The following SAP130 variants were observed in gnomAD, a reference collection of about 807,000 sequenced individuals.
SAP130 encodes the protein Sin3A associated protein 130.
SAP130 carries 16 observed loss-of-function variants against 103.2 expected under a neutral mutation model. That is an observed-to-expected ratio of 0.16 (90% CI 0.10 to 0.24). The LOEUF (loss-of-function observed/expected upper bound fraction) is 0.24, where lower values mean the gene tolerates loss of function less well. Ranked by LOEUF, SAP130 falls within the 10% of genes least tolerant of loss-of-function variation. SAP130 has a pLI of 1.00. For synonymous variants in SAP130, 477 were observed against 497.0 expected (o/e 0.96, Z 0.53); for missense variants, 990 against 1,359.7 (o/e 0.73, Z 4.28).
At chr2:128,027,704 CG>C (rs1290947525) in intron 1 of SAP130, among the ~76,000 whole-genome samples, 2 of 151,216 alleles carry the variant, frequency 1.3e-5, no homozygotes, top group African/African-American at 2.4e-5. Context: ...CCCCCACGCC[CG>C]GGTCAGCCCA....
chr2:128,014,757 C>G, intron 5 of SAP130, 46 bp downstream of exon 5: 1 of 1,296,586 alleles, frequency 7.7e-7, no homozygotes, highest in Non-Finnish European at 1.1e-6. Context: ...AAATGTATAT[C>G]TACTACTACA....
chr2:127,978,005 A>G lies in SAP130; in HGVS notation c.2043T>C (p.Ser681=). Residue 681 remains serine, a synonymous_variant, in exon 15 of 21, where the codon TCT becomes TCC. Transcript: ENST00000643581. ...PRVESSMRST[S]GSPRPAGAKP... ...CTCACCCTGCAGGCCTAGGTGACCC[A>G]GACGTACTCCGCATAGAGCTTTCCA... 6.4e-7 allele frequency: 1 copy of G among 1,552,078 alleles called. No homozygotes were observed. The highest frequency in any genetic ancestry group is 2.4e-5 in the East Asian group (1 of 40,922).
chr2:127,987,022 G>C, intron 13 of SAP130, 60 bp from the exon 14 acceptor site: 1 of 1,464,254 alleles, frequency 6.8e-7, no homozygotes, highest in East Asian at 2.3e-5. Flanking sequence ...TGCCATAGAA[G>C]ACATAAATAA....
chr2:127,947,777 T>A (rs1037883857), intron 18 of SAP130, among the ~76,000 whole-genome samples: 2 of 151,704 alleles, frequency 1.3e-5, no homozygotes, highest in African/African-American at 2.4e-5. Context: ...TGTGTGTGTG[T>A]GTGTGTGTGT....
chr2:127,974,930 C>A (rs1444859629), intron 15 of SAP130, among the ~76,000 whole-genome samples: 1 of 152,146 alleles, frequency 6.6e-6, no homozygotes, highest in Non-Finnish European at 1.5e-5. Flanking sequence ...AGCCTAGGAG[C>A]AATAGGTTGT....
intron 14 of SAP130, among the ~76,000 whole-genome samples, chr2:127,978,624 T>G (rs1182044083): frequency 6.6e-6 from 1 of 152,162 alleles, no homozygotes; most frequent in African/African-American, 2.4e-5. Context: ...TGTTTAGTTT[T>G]GACAGAGTGG....
At chr2:128,022,487 T>C (rs967007313) in intron 2 of SAP130, among the ~76,000 whole-genome samples, 6 of 152,244 alleles carry the variant, frequency 3.9e-5, no homozygotes, top group African/African-American at 7.2e-5. Context: ...TGGAATGAGA[T>C]TGCTCAGTGG....
At chr2:127,959,597 T>C (rs1250540884) in intron 15 of SAP130, among the ~76,000 whole-genome samples, 1 of 152,178 alleles carries the variant, frequency 6.6e-6, no homozygotes, top group East Asian at 1.9e-4. Context: ...CCTGCTAAAG[T>C]ATAACCTATA....
Position 127,960,568 on chromosome 2 carries a change from A to G in SAP130, c.2064-5224T>C, listed in dbSNP as rs538984354. 8.5e-5 allele frequency among the ~76,000 whole-genome samples: 13 copies of G among 152,288 alleles called. No homozygotes were observed. In the South Asian group the frequency reaches 2.3e-3, roughly 27 times the overall value. On this transcript the variant is annotated intron_variant, in intron 15 of 20. Transcript: ENST00000643581. Reference sequence around the variant, plus strand: ...ACTTAAAAAAATTACATTTACTTATATTGACAGCTATTGGATTTCCTTTTC... The same window carrying G: ...ACTTAAAAAAATTACATTTACTTATGTTGACAGCTATTGGATTTCCTTTTC...
At chr2:127,993,372 T>C in intron 11 of SAP130, 64 bp from the exon 12 acceptor site, 1 of 1,509,830 alleles carries the variant, frequency 6.6e-7, no homozygotes, top group Non-Finnish European at 8.9e-7. Context: ...CAAATGATCC[T>C]ATACCCCAGT....
intron 1 of SAP130, among the ~76,000 whole-genome samples, chr2:128,027,533 G>T (rs1041917357): frequency 1.3e-5 from 2 of 151,734 alleles, no homozygotes; most frequent in Non-Finnish European, 2.9e-5. Context: ...GGGAGGCCCC[G>T]CCTCAGCCAG....
chr2:127,977,980 C>T lies in SAP130; in HGVS notation c.2063+5G>A. The T allele has an allele frequency of 5.2e-6, 8 of 1,543,510 alleles. No individual in the cohort carries two copies. Among genetic ancestry groups the T allele is most frequent in the Non-Finnish European group, 7.0e-6 (8 of 1,139,168 alleles). On this transcript the variant is annotated splice_donor_5th_base_variant and intron_variant, in intron 15 of 20. Transcript: ENST00000643581. ...CAAGAGTGCGAAGAACACTTAGGTG[C>T]TCACCCTGCAGGCCTAGGTGACCCA...
rs2105275224 is a variant in SAP130 at position 128,026,962 on chromosome 2, G to C, written c.-6-664C>G. 4 of 872,520 alleles carry C rather than the reference G, an allele frequency of 4.6e-6. No individual in the cohort carries two copies. In the South Asian group the frequency reaches 2.0e-4, roughly 43 times the overall value. The allele number at this position is 872,520 out of a possible 1,614,324, so 54.0% of individuals were successfully genotyped here. A position where few individuals can be genotyped will look rare whatever the true frequency, so the allele number is the denominator to read the frequency against. ...TTCGCCCGCAACCCCACCCCACCGC[G>C]AAGCCCCCGCTGAGACCGGAGGACG... On this transcript the variant is annotated intron_variant, in intron 1 of 20. Transcript: ENST00000643581.
intron 2 of SAP130, among the ~76,000 whole-genome samples, chr2:128,024,146 A>C (rs1383069399): frequency 6.6e-6 from 1 of 152,180 alleles, no homozygotes; most frequent in African/African-American, 2.4e-5. Flanking sequence ...GCTTAAAGTC[A>C]CTTCAAGTCT....
chr2:127,985,548 A>C (rs1682316082), intron 14 of SAP130, among the ~76,000 whole-genome samples: 2 of 152,154 alleles, frequency 1.3e-5, no homozygotes, highest in South Asian at 4.1e-4. Flanking sequence ...CCAACTGAGA[A>C]GCTTACATGG....
intron 15 of SAP130, among the ~76,000 whole-genome samples, chr2:127,970,889 A>G (rs1681036732): frequency 6.6e-6 from 1 of 151,960 alleles, no homozygotes; most frequent in African/African-American, 2.4e-5. Flanking sequence ...ACATGACATG[A>G]TATGACGCAT....
intron 7 of SAP130, among the ~76,000 whole-genome samples, chr2:128,006,370 G>A (rs188366152): frequency 1.1e-3 from 163 of 152,334 alleles, no homozygotes; most frequent in Middle Eastern, 3.4e-3. Flanking sequence ...GTATTTAGTA[G>A]AAAAATTAAG....
chr2:128,024,694 C>G (rs1685382359), intron 2 of SAP130, among the ~76,000 whole-genome samples: 1 of 149,688 alleles, frequency 6.7e-6, no homozygotes, highest in African/African-American at 2.5e-5. Context: ...ATGGTGAAAC[C>G]CTGTCTCTAC....
At position 128,014,746 on chromosome 2, in the gene SAP130, C is replaced by T. The variant is rs1684655054; in HGVS notation, c.619+57G>A. 6.6e-6 allele frequency: 8 copies of T among 1,219,812 alleles called. No homozygotes were observed. In the South Asian group the frequency reaches 9.7e-5, roughly 15 times the overall value. 75.6% of individuals were successfully genotyped at this position (1,219,812 alleles called of 1,614,324 possible). On this transcript the variant is annotated intron_variant, in intron 5 of 20. Coordinates refer to ENST00000643581, the MANE Select transcript of SAP130 (RefSeq NM_001330301.2). ...ATACATTCTGTGTTACGTATTTTAC[C>T]AAATGTATATCTACTACTACATTTT...
Sources: allele counts gnomAD v4.1 joint callset (sites outside exome capture counted in the v4.1 genomes callset), GRCh38; gene constraint gnomAD v4.1.1; transcripts MANE v1.5; gene names NCBI Gene and HGNC (gene_info 2026-07-23, HGNC 2026-07-21).